ZNF469: variants seen among roughly 807,000 people sequenced by gnomAD.
The protein encoded by ZNF469 is zinc finger protein 469.
A neutral mutation model predicts 1.0 loss-of-function variants in ZNF469; 1 was observed. The ratio of observed to expected loss-of-function variants is 1.00; its 90% CI spans 0.35 to 4.73. The LOEUF is 4.73. ZNF469 is among the 30% of genes most tolerant of loss of function. ZNF469 has a pLI of 0.16. For synonymous variants in ZNF469, 2,703 were observed against 2,363.4 expected (o/e 1.14, Z -4.17); for missense variants, 6,100 against 5,356.3 (o/e 1.14, Z -4.33).
chr16:88,344,686 C>G, the ZNF469 span, among the ~76,000 whole-genome samples: 1 of 152,204 alleles, frequency 6.6e-6, no homozygotes, highest in African/African-American at 2.4e-5. Context: ...GTGCAAAGAG[C>G]GTGGGAAGCA....
intron 1 of ZNF469, among the ~76,000 whole-genome samples, chr16:88,396,657 C>A (rs1904677549): frequency 6.7e-6 from 1 of 150,316 alleles, no homozygotes; most frequent in South Asian, 2.1e-4. Context: ...CGGGCGGAGA[C>A]CCTCCTGAAG....
the ZNF469 span, among the ~76,000 whole-genome samples, chr16:88,116,621 A>C: frequency 2.6e-5 from 4 of 152,346 alleles, no homozygotes; most frequent in African/African-American, 9.6e-5. Context: ...ACGAATGGCC[A>C]CACCACGGAA....
the ZNF469 span, among the ~76,000 whole-genome samples, chr16:88,113,636 C>T: frequency 4.6e-5 from 7 of 152,206 alleles, no homozygotes; most frequent in African/African-American, 1.4e-4. Context: ...GGTGAAGGCA[C>T]AAAGGCTCTC....
chr16:88,252,626 C>T, the ZNF469 span, among the ~76,000 whole-genome samples: 56,329 of 152,016 alleles, frequency 0.37, 11,135 homozygotes, highest in Middle Eastern at 0.48. Context: ...AGAAGTTCTT[C>T]GCTAAATACT....
chr16:88,440,654 C>G lies in ZNF469; in HGVS notation c.*1322C>G, dbSNP rs549150844. 6.6e-6 allele frequency: 1 copy of G among 152,174 alleles called. No individual in the cohort carries two copies. The highest frequency in any genetic ancestry group is 1.9e-4 in the East Asian group (1 of 5,200). The allele number at this position is 152,174 out of a possible 1,614,324, so 9.4% of individuals were successfully genotyped here. On this transcript the variant is annotated 3_prime_UTR_variant, in exon 3 of 3. Transcript: ENST00000565624. ...TGTTGTAGGCCATTCAAAACGCCTC[C>G]GGAGTGTCGCAAACCAAGTGCGGAG... is the stretch of plus-strand genomic sequence containing the variant.
At chr16:88,344,799 G>C in the ZNF469 span, among the ~76,000 whole-genome samples, 1 of 152,340 alleles carries the variant, frequency 6.6e-6, no homozygotes, top group Non-Finnish European at 1.5e-5. Flanking sequence ...CCGTGTCCCA[G>C]AGGCGAGACC....
At chr16:88,349,460 G>C in the ZNF469 span, among the ~76,000 whole-genome samples, 2 of 132,632 alleles carry the variant, frequency 1.5e-5, no homozygotes, top group Non-Finnish European at 3.2e-5. Flanking sequence ...CACCACACAA[G>C]TACGCACACC....
chr16:88,181,637 T>C, the ZNF469 span, among the ~76,000 whole-genome samples: 1 of 152,218 alleles, frequency 6.6e-6, no homozygotes, highest in Non-Finnish European at 1.5e-5. Flanking sequence ...TATGACAATT[T>C]GTAGGTGCTG....
chr16:88,269,707 G>A, the ZNF469 span, among the ~76,000 whole-genome samples: 30 of 152,168 alleles, frequency 2.0e-4, no homozygotes, highest in African/African-American at 7.0e-4. Flanking sequence ...CTCGGGAACT[G>A]CTGACCAATC....
the ZNF469 span, among the ~76,000 whole-genome samples, chr16:88,235,098 G>A: frequency 2.0e-5 from 3 of 152,254 alleles, no homozygotes; most frequent in Middle Eastern, 3.4e-3. Flanking sequence ...GGGAAGGCCC[G>A]GCGCTGGGGC....
chr16:88,430,521 C>T lies in ZNF469; in HGVS notation c.3051C>T (p.Ala1017=), dbSNP rs1426208744. ...DPAPRVPRAA[A]LPEETRSSRR... ...CGCCCCGGGTCCCGAGAGCCGCCGC[C>T]CTCCCCGAGGAGACCCGCAGCTCCC... Residue 1017 remains alanine (A), a synonymous_variant, in exon 3 of 3, where the codon GCC becomes GCT. Coordinates refer to ENST00000565624, the MANE Select transcript of ZNF469 (RefSeq NM_001367624.2). 1 of 1,435,326 alleles carries T rather than the reference C, an allele frequency of 7.0e-7. No homozygotes were observed. Among genetic ancestry groups the T allele is most frequent in the Non-Finnish European group, 9.1e-7 (1 of 1,104,374 alleles). The allele number at this position is 1,435,326 out of a possible 1,614,324, so 88.9% of individuals were successfully genotyped here. A position where few individuals can be genotyped will look rare whatever the true frequency, so the allele number is the denominator to read the frequency against.
the ZNF469 span, among the ~76,000 whole-genome samples, chr16:88,174,619 C>A: frequency 2.0e-5 from 3 of 148,488 alleles, no homozygotes. Context: ...CAAGATTAGT[C>A]CCCTCTTCTT....
At chr16:88,342,899 C>T in the ZNF469 span, among the ~76,000 whole-genome samples, 2 of 152,226 alleles carry the variant, frequency 1.3e-5, no homozygotes, top group South Asian at 2.1e-4. Context: ...GTGGTGGGTC[C>T]CTGTGGGAGG....
At chr16:88,353,656 A>G in the ZNF469 span, among the ~76,000 whole-genome samples, 7 of 152,082 alleles carry the variant, frequency 4.6e-5, no homozygotes, top group Non-Finnish European at 1.0e-4. Flanking sequence ...GCTCCCAACA[A>G]CTCAGTCCAC....
At chr16:88,115,739 G>T in the ZNF469 span, among the ~76,000 whole-genome samples, 1 of 151,466 alleles carries the variant, frequency 6.6e-6, no homozygotes, top group Non-Finnish European at 1.5e-5. Flanking sequence ...TCCTTCTGGG[G>T]GCTCTGGGTC....
the ZNF469 span, among the ~76,000 whole-genome samples, chr16:88,104,110 A>G: frequency 6.6e-6 from 1 of 152,000 alleles, no homozygotes; most frequent in South Asian, 2.1e-4. Flanking sequence ...AACAGTGTTC[A>G]ACTCTTTTCA....
At chr16:88,357,698 C>T in the ZNF469 span, among the ~76,000 whole-genome samples, 3 of 152,228 alleles carry the variant, frequency 2.0e-5, no homozygotes, top group South Asian at 2.1e-4. Flanking sequence ...TTTGAGGCAG[C>T]GCAGTTATTT....
rs548364632 is a variant in ZNF469, at chr16:88,383,153, G to A, written c.-293G>A. 1.1e-4 allele frequency among the ~76,000 whole-genome samples: 16 copies of A among 148,342 alleles called. No individual in the cohort carries two copies. The highest frequency in any genetic ancestry group is 2.0e-4 in the Non-Finnish European group (13 of 66,512). On this transcript the variant is annotated 5_prime_UTR_variant, in exon 1 of 3. Coordinates refer to ENST00000565624, the MANE Select transcript of ZNF469 (RefSeq NM_001367624.2). ...GGGCGGCCCGGGCGGGCCTGCGGTC[G>A]GGATGAGGACGGCGCCTCCGCTGCA...
chr16:88,321,551 C>T, the ZNF469 span, among the ~76,000 whole-genome samples: 1 of 152,190 alleles, frequency 6.6e-6, no homozygotes, highest in Admixed American at 6.5e-5. Flanking sequence ...TGTAAGGCCT[C>T]ACCTTATTTG....
Sources: allele counts gnomAD v4.1 joint callset (sites outside exome capture counted in the v4.1 genomes callset), GRCh38; gene constraint gnomAD v4.1.1; transcripts MANE v1.5; gene names NCBI Gene and HGNC (gene_info 2026-07-23, HGNC 2026-07-21).